The following MACROD2 variants were observed in gnomAD, a reference collection of about 807,000 sequenced individuals.
The protein encoded by MACROD2 is ADP-ribose glycohydrolase MACROD2.
In MACROD2, 36 loss-of-function variants were observed where a neutral mutation model predicts 70.4. The observed-to-expected ratio is 0.51, with a 90% CI of 0.39 to 0.68. The LOEUF (loss-of-function observed/expected upper bound fraction) is 0.68. Ranked by LOEUF, MACROD2 falls within the 30% of genes least tolerant of loss-of-function variation. The pLI, the probability that MACROD2 is intolerant of heterozygous loss-of-function variation, is 0.00. For missense variants in MACROD2, 496 were observed against 538.4 expected, an observed-to-expected ratio of 0.92 and a Z score of 0.78; for synonymous variants, 172 against 178.8, an observed-to-expected ratio of 0.96 and a Z score of 0.30.
At chr20:15,161,553 T>C (rs1446661016) in intron 5 of MACROD2, among the ~76,000 whole-genome samples, 1 of 151,880 alleles carries the variant, frequency 6.6e-6, no homozygotes, top group African/African-American at 2.4e-5. Context: ...CTAGTAAATA[T>C]ACAAAGAAGC....
At position 15,967,681 on chromosome 20, in the gene MACROD2, GAAAAAA is replaced by G. The variant is rs11467891; in HGVS notation, c.985+66_985+71del. Reference sequence around the variant, plus strand: ...TTTTCTTTTCTTCTGCTGGGAAACAGAAAAAAAAAAAAAAAAAAAACCCACAGACTT... The same window carrying G: ...TTTTCTTTTCTTCTGCTGGGAAACAGAAAAAAAAAAAAAACCCACAGACTT... On this transcript the variant is annotated intron_variant, in intron 13 of 17. Coordinates refer to ENST00000684519, the MANE Select transcript of MACROD2 (RefSeq NM_001351661.2). The G allele has an allele frequency of 0.014, 5,812 of 417,220 alleles. 183 individuals are homozygous for G. The African/African-American group carries it at 0.15, about 11-fold the overall frequency. 25.8% of individuals were successfully genotyped at this position (417,220 alleles called of 1,614,324 possible).
intron 12 of MACROD2, among the ~76,000 whole-genome samples, chr20:15,943,134 A>G (rs144938969): frequency 5.6e-4 from 85 of 152,314 alleles, no homozygotes; most frequent in Admixed American, 1.0e-3. Flanking sequence ...AGCCTTGCCA[A>G]AGTGAACAAA....
chr20:14,507,153 AG>A (rs774822535), intron 4 of MACROD2, among the ~76,000 whole-genome samples: 69 of 152,246 alleles, frequency 4.5e-4, no homozygotes, highest in Admixed American at 7.8e-4. Flanking sequence ...TAATGGGTAC[AG>A]GGTTTCAGTT....
intron 3 of MACROD2, among the ~76,000 whole-genome samples, chr20:14,222,813 G>GGGA (rs1555938552): frequency 7.5e-6 from 1 of 132,918 alleles, no homozygotes; most frequent in African/African-American, 2.9e-5. Context: ...TTGGATTTCT[G>GGGA]AAAAAAAAAA....
chr20:15,141,396 G>A (rs1043730390), intron 5 of MACROD2, among the ~76,000 whole-genome samples: 7 of 151,558 alleles, frequency 4.6e-5, no homozygotes, highest in South Asian at 2.1e-4. Flanking sequence ...AGATATACAC[G>A]TGTTTGCATA....
intron 5 of MACROD2, among the ~76,000 whole-genome samples, chr20:14,946,563 CAT>C (rs2074434381): frequency 6.6e-6 from 1 of 151,916 alleles, no homozygotes; most frequent in Non-Finnish European, 1.5e-5. Flanking sequence ...AATATGATAG[CAT>C]ATAATTTTTG....
In MACROD2 at chr20:14,772,642, A is replaced by G. The variant is rs554052009; in HGVS notation, c.418+87683A>G. 2.0e-5 allele frequency among the ~76,000 whole-genome samples: 3 copies of G among 152,240 alleles called. No individual in the cohort carries two copies. The South Asian group carries it at 6.2e-4, about 32-fold the overall frequency. On this transcript the variant is annotated intron_variant, in intron 5 of 17. Coordinates refer to ENST00000684519, the MANE Select transcript of MACROD2 (RefSeq NM_001351661.2). ...ACACGTGGGAATTATGGGAGCTACA[A>G]GATGAGATTTCGGTGGGGACACAGA...
intron 7 of MACROD2, among the ~76,000 whole-genome samples, chr20:15,436,244 G>T (rs980259908): frequency 4.6e-5 from 7 of 152,060 alleles, no homozygotes; most frequent in African/African-American, 1.7e-4. Context: ...AAAAGAAAGA[G>T]GTAATTGGAC....
chr20:15,766,333 C>T (rs2051523772), intron 8 of MACROD2, among the ~76,000 whole-genome samples: 1 of 152,142 alleles, frequency 6.6e-6, no homozygotes, highest in African/African-American at 2.4e-5. Flanking sequence ...ACTTAATATT[C>T]CTTTTCAGAA....
chr20:15,896,651 G>A (rs950168819), intron 10 of MACROD2, among the ~76,000 whole-genome samples: 2 of 151,604 alleles, frequency 1.3e-5, no homozygotes, highest in Non-Finnish European at 2.9e-5. Context: ...ATAACCTTGA[G>A]TGAAGCATTA....
chr20:15,026,540 G>A (rs2075233210), intron 5 of MACROD2, among the ~76,000 whole-genome samples: 1 of 150,606 alleles, frequency 6.6e-6, no homozygotes, highest in East Asian at 1.9e-4. Flanking sequence ...TTTTACTATC[G>A]GTTCCCATTC....
intron 5 of MACROD2, among the ~76,000 whole-genome samples, chr20:15,206,142 T>TA (rs1021517073): frequency 3.3e-5 from 5 of 152,178 alleles, no homozygotes; most frequent in East Asian, 1.9e-4. Flanking sequence ...GGTTCTTTTT[T>TA]AAAAAAACTT....
chr20:14,763,833 G>C (rs1348823529), intron 5 of MACROD2, among the ~76,000 whole-genome samples: 1 of 151,932 alleles, frequency 6.6e-6, no homozygotes, highest in Non-Finnish European at 1.5e-5. Context: ...ACCCGGACTT[G>C]GGGGAAAGAT....
At chr20:15,679,699 C>A (rs988001362) in intron 8 of MACROD2, among the ~76,000 whole-genome samples, 6 of 152,124 alleles carry the variant, frequency 3.9e-5, no homozygotes, top group African/African-American at 1.4e-4. Context: ...TGCAAAGAAG[C>A]AGAGGCCCTG....
At chr20:14,826,477 T>G (rs2072904266) in intron 5 of MACROD2, among the ~76,000 whole-genome samples, 1 of 152,156 alleles carries the variant, frequency 6.6e-6, no homozygotes, top group African/African-American at 2.4e-5. Flanking sequence ...AGTAATTCTT[T>G]TTATTTTCTT....
intron 5 of MACROD2, among the ~76,000 whole-genome samples, chr20:14,895,967 G>T (rs2073823339): frequency 6.6e-6 from 1 of 152,184 alleles, no homozygotes; most frequent in African/African-American, 2.4e-5. Flanking sequence ...TTTAACACAA[G>T]AAATTGGAAA....
chr20:15,927,129 C>T (rs1412205567), intron 10 of MACROD2, among the ~76,000 whole-genome samples: 1 of 152,084 alleles, frequency 6.6e-6, no homozygotes, highest in Non-Finnish European at 1.5e-5. Flanking sequence ...TTAAACAAAT[C>T]CACAATTTAA....
chr20:15,560,077 G>A (rs1438945532), intron 8 of MACROD2, among the ~76,000 whole-genome samples: 2 of 152,174 alleles, frequency 1.3e-5, no homozygotes, highest in African/African-American at 4.8e-5. Context: ...CAAATCTCAA[G>A]ATTTTGACCA....
At chr20:15,472,526 T>A (rs1273913683) in intron 7 of MACROD2, among the ~76,000 whole-genome samples, 2 of 152,148 alleles carry the variant, frequency 1.3e-5, no homozygotes, top group African/African-American at 4.8e-5. Flanking sequence ...CCCTTCCTGT[T>A]TTTTTTCTAT....
Sources: allele counts gnomAD v4.1 joint callset (sites outside exome capture counted in the v4.1 genomes callset), GRCh38; gene constraint gnomAD v4.1.1; transcripts MANE v1.5; gene names NCBI Gene and HGNC (gene_info 2026-07-23, HGNC 2026-07-21).